AREL1: variants seen among roughly 807,000 people sequenced by gnomAD.
AREL1 encodes apoptosis-resistant E3 ubiquitin protein ligase 1.
In AREL1, 62 loss-of-function variants were observed where a neutral mutation model predicts 99.0. The observed-to-expected ratio is 0.63, with a 90% CI of 0.51 to 0.77. The LOEUF (loss-of-function observed/expected upper bound fraction) is 0.77, where lower values mean the gene tolerates loss of function less well. Among genes scored for constraint, AREL1 ranks in the 30% least tolerant of loss-of-function variants. The pLI is 0.00. For synonymous variants in AREL1, 380 were observed against 376.5 expected (o/e 1.01, Z -0.11); for missense variants, 879 against 1,027.6 (o/e 0.86, Z 1.98).
intron 1 of AREL1, among the ~76,000 whole-genome samples, chr14:74,701,272 T>C (rs1005448184): frequency 5.3e-5 from 8 of 152,104 alleles, no homozygotes; most frequent in African/African-American, 1.9e-4. Context: ...AAAAAAGATA[T>C]ATTAGTCCAA....
chr14:74,689,067 T>G (rs1336653761), intron 2 of AREL1, among the ~76,000 whole-genome samples: 1 of 151,708 alleles, frequency 6.6e-6, no homozygotes, highest in Non-Finnish European at 1.5e-5. Flanking sequence ...AGGCTGCTCT[T>G]GAACTCCTGA....
In AREL1 at chr14:74,685,580, G is replaced by C. The variant is rs763294687; in HGVS notation, c.16+20C>G. 14 of 1,613,738 alleles carry C rather than the reference G, an allele frequency of 8.7e-6. No individual in the cohort carries two copies. The highest frequency in any genetic ancestry group is 2.7e-5 in the African/African-American group (2 of 74,904). On this transcript the variant is annotated intron_variant, in intron 3 of 19. Coordinates refer to ENST00000356357, the MANE Select transcript of AREL1 (RefSeq NM_001039479.2). The stretch of plus-strand genomic sequence containing the variant: ...AACCTTTACAAAAATATAATAGAGA[G>C]AGCTCTTTCCATAACGTACCAATAA...
chr14:74,707,356 G>A (rs1445504093), intron 1 of AREL1, among the ~76,000 whole-genome samples: 6 of 143,976 alleles, frequency 4.2e-5, no homozygotes, highest in Admixed American at 7.1e-5. Context: ...TGACAAGAGC[G>A]AAACTCCATT....
intron 17 of AREL1, among the ~76,000 whole-genome samples, chr14:74,667,016 G>A (rs1353488273): frequency 2.6e-5 from 4 of 151,724 alleles, no homozygotes; most frequent in African/African-American, 7.2e-5. Flanking sequence ...CACCATGCCC[G>A]GCCTCAGTGA....
intron 5 of AREL1, 136 bp from the exon 6 acceptor site, chr14:74,676,888 C>G (rs1230356333): frequency 1.5e-6 from 1 of 675,438 alleles, no homozygotes; most frequent in Non-Finnish European, 2.2e-6. Context: ...GCTCTGCCTT[C>G]CGGGCTCATG....
At position 74,691,324 on chromosome 14, in the gene AREL1, TA is replaced by T. The variant is rs11407786; in HGVS notation, c.-46+716del. Reference sequence around the variant, plus strand: ...GACAGAGAAAGACCCTGTCTCCATTTAAAAAAAAAAAAAAAAAAAAAAAAGC... The same window carrying T: ...GACAGAGAAAGACCCTGTCTCCATTTAAAAAAAAAAAAAAAAAAAAAAAGC... On this transcript the variant is annotated intron_variant, in intron 2 of 19. Transcript: ENST00000356357. Among the ~76,000 whole-genome samples, 100 of 72,798 alleles carry T rather than the reference TA, an allele frequency of 1.4e-3. 1 individual carries two copies. Among genetic ancestry groups the T allele is most frequent in the Middle Eastern group, 0.021 (2 of 94 alleles). The allele number at this position is 72,798 out of a possible 152,430, so 47.8% of individuals were successfully genotyped here. A position where few individuals can be genotyped will look rare whatever the true frequency, so the allele number is the denominator to read the frequency against.
rs76067794 is a variant in AREL1, at chr14:74,683,458, G to A, written c.319C>T (p.Leu107=). The stretch of plus-strand genomic sequence containing the variant: ...TGGGTCACTGGAATTTCCACTGCTA[G>A]CTCGACATGAGAGATGTGAACTCTT... ...GLRVHISHVE[L]AVEIPVTQEV... Residue 107 remains leucine, a synonymous_variant, in exon 5 of 20, where the codon CTA becomes TTA. Coordinates refer to ENST00000356357, the MANE Select transcript of AREL1 (RefSeq NM_001039479.2). The A allele has an allele frequency of 1.7e-3, 2,701 of 1,614,096 alleles. 22 individuals carry two copies. In the African/African-American group the frequency reaches 0.022, roughly 13 times the overall value.
At chr14:74,670,210 G>T in intron 13 of AREL1, 84 bp from the exon 14 acceptor site, 1 of 1,379,454 alleles carries the variant, frequency 7.2e-7, no homozygotes, top group Non-Finnish European at 9.8e-7. Context: ...CCAACCCCAT[G>T]CCAAAGGAAC....
At chr14:74,684,007 G>A (rs1377397811) in intron 4 of AREL1, among the ~76,000 whole-genome samples, 3 of 152,144 alleles carry the variant, frequency 2.0e-5, no homozygotes, top group Non-Finnish European at 4.4e-5. Flanking sequence ...CAGGAGTTGG[G>A]AAATTTTTTC....
chr14:74,685,595 C>T lies in AREL1; in HGVS notation c.16+5G>A, dbSNP rs774287552. 3.7e-6 allele frequency: 6 copies of T among 1,614,008 alleles called. No individual in the cohort carries two copies. The highest frequency in any genetic ancestry group is 2.2e-5 in the South Asian group (2 of 91,080). ...ATAATAGAGAGAGCTCTTTCCATAA[C>T]GTACCAATAACGTAAAACATCAGGT... On this transcript the variant is annotated splice_donor_5th_base_variant and intron_variant, in intron 3 of 19. Coordinates refer to ENST00000356357, the MANE Select transcript of AREL1 (RefSeq NM_001039479.2).
At chr14:74,676,836 G>A (rs1056860641) in intron 5 of AREL1, 84 bp from the exon 6 acceptor site, 74 of 1,160,074 alleles carry the variant, frequency 6.4e-5, no homozygotes, top group Non-Finnish European at 7.3e-5. Flanking sequence ...TCGCTCTTTC[G>A]CCCAGGCTGG....
intron 1 of AREL1, 55 bp from the exon 2 acceptor site, chr14:74,692,383 ATTCCCC>A: frequency 2.7e-6 from 1 of 368,808 alleles, no homozygotes; most frequent in Non-Finnish European, 5.3e-6. Context: ...TCTGAAAAGG[ATTCCCC>A]AGAAAAAAAT....
chr14:74,679,513 C>T (rs1015755028), intron 5 of AREL1, among the ~76,000 whole-genome samples: 3 of 152,122 alleles, frequency 2.0e-5, no homozygotes, highest in Non-Finnish European at 4.4e-5. Context: ...ATATACAGAA[C>T]TCTCAAAAGT....
chr14:74,679,049 G>T (rs1481970880), intron 5 of AREL1, among the ~76,000 whole-genome samples: 2 of 152,094 alleles, frequency 1.3e-5, no homozygotes, highest in Non-Finnish European at 2.9e-5. Flanking sequence ...AAAGGTGCAC[G>T]CCACCACACC....
In AREL1 at chr14:74,684,528, G is replaced by T. The variant is rs990797947; in HGVS notation, c.169C>A (p.Pro57Thr). The change falls in exon 4 of 20, where the codon CCC becomes ACC. Residue 57 changes from proline to threonine, a missense_variant. Physicochemically the swap from Pro to Thr is conservative, Grantham distance 38 (BLOSUM62 -1). Transcript: ENST00000356357. ...YDYVRGNYLD[P>T]RSCKVSWDWK... ...TCCCAGGAGACTTTGCAAGACCGGG[G>T]ATCCAGGTAATTTCCCCGCACGTAG... The T allele has an allele frequency of 1.5e-5, 24 of 1,614,156 alleles. No individual in the cohort carries two copies. The highest frequency in any genetic ancestry group is 2.2e-5 in the East Asian group (1 of 44,874).
At chr14:74,679,974 G>A (rs949185738) in intron 5 of AREL1, among the ~76,000 whole-genome samples, 1 of 151,810 alleles carries the variant, frequency 6.6e-6, no homozygotes, top group Non-Finnish European at 1.5e-5. Context: ...TCAGGATTTC[G>A]AGACCTGCCT....
At chr14:74,710,631 C>T (rs1442269714) in intron 1 of AREL1, among the ~76,000 whole-genome samples, 1 of 152,126 alleles carries the variant, frequency 6.6e-6, no homozygotes, top group Non-Finnish European at 1.5e-5. Context: ...ACATGAATGG[C>T]AGCTTGACAG....
chr14:74,676,466 C>T (rs571825354), intron 6 of AREL1, 117 bp downstream of exon 6: 5 of 1,420,562 alleles, frequency 3.5e-6, no homozygotes, highest in Non-Finnish European at 4.8e-6. Context: ...GATGAAGATA[C>T]AGACAGCACA....
chr14:74,669,004 T>C (rs1381619907), intron 15 of AREL1, among the ~76,000 whole-genome samples: 3 of 152,110 alleles, frequency 2.0e-5, no homozygotes, highest in Non-Finnish European at 4.4e-5. Flanking sequence ...CAGCGCCCAC[T>C]TCCTCCCACA....
Sources: allele counts gnomAD v4.1 joint callset (sites outside exome capture counted in the v4.1 genomes callset), GRCh38; gene constraint gnomAD v4.1.1; transcripts MANE v1.5; gene names NCBI Gene and HGNC (gene_info 2026-07-23, HGNC 2026-07-21).